DCC: variants seen among roughly 807,000 people sequenced by gnomAD.
DCC encodes the protein DCC netrin 1 receptor.
Under a neutral mutation model 172.5 loss-of-function variants are expected in DCC, and 58 were observed. That is an observed-to-expected ratio of 0.34 (90% confidence interval 0.27 to 0.42). The LOEUF (loss-of-function observed/expected upper bound fraction) is 0.42, where lower values mean the gene tolerates loss of function less well. Ranked by LOEUF, DCC falls within the 10% of genes least tolerant of loss-of-function variation. The pLI, the probability that DCC is intolerant of heterozygous loss-of-function variation, is 1.00. For synonymous variants in DCC, 709 were observed against 644.5 expected, an observed-to-expected ratio of 1.10 and a Z score of -1.52; for missense variants, 1,740 against 1,791.0, an observed-to-expected ratio of 0.97 and a Z score of 0.51.
rs761574014 is a variant in DCC at position 52,427,844 on chromosome 18, C to CTTTCTTTCTTCT, written c.91+86968_91+86969insTCTTTCTTCTTT. Reference sequence around the variant, plus strand: ...CCTTCCTTCCTTCCTTTCTTCCTTCCTTCCTTCCTTCCTTCCTTCCTTCCT... The same window carrying CTTTCTTTCTTCT: ...CCTTCCTTCCTTCCTTTCTTCCTTCCTTTCTTTCTTCTTTCCTTCCTTCCTTCCTTCCTTCCT... On this transcript the variant is annotated intron_variant, in intron 1 of 28. Coordinates refer to ENST00000442544, the MANE Select transcript of DCC (RefSeq NM_005215.4). Among the ~76,000 whole-genome samples, 28 of 96,864 alleles carry CTTTCTTTCTTCT rather than the reference C, an allele frequency of 2.9e-4. 2 individuals carry two copies. The highest frequency in any genetic ancestry group is 9.5e-4 in the African/African-American group (28 of 29,532). The allele number at this position is 96,864 out of a possible 152,430, so 63.5% of individuals were successfully genotyped here.
chr18:52,885,831 G>A (rs115723583), intron 2 of DCC, among the ~76,000 whole-genome samples: 2,616 of 152,122 alleles, frequency 0.017, 56 homozygotes, highest in African/African-American at 0.046. Context: ...TGACATCACT[G>A]TTGGTTATTA....
intron 27 of DCC, among the ~76,000 whole-genome samples, chr18:53,500,411 G>A (rs1221147675): frequency 1.3e-5 from 2 of 152,106 alleles, no homozygotes; most frequent in Non-Finnish European, 1.5e-5. Flanking sequence ...CCTCCTTGAT[G>A]AGCATAGGCA....
intron 24 of DCC, among the ~76,000 whole-genome samples, chr18:53,461,287 T>G (rs2045556248): frequency 1.3e-5 from 2 of 151,552 alleles, no homozygotes; most frequent in South Asian, 2.1e-4. Context: ...TTAGTTTAAT[T>G]AGATCCCATT....
intron 5 of DCC, among the ~76,000 whole-genome samples, chr18:53,050,202 C>T (rs757685022): frequency 2.0e-5 from 3 of 149,928 alleles, no homozygotes; most frequent in African/African-American, 5.1e-5. Flanking sequence ...ATGGTGCCCA[C>T]CCCCATTGTG....
chr18:52,349,723 G>A (rs1208172851), intron 1 of DCC, among the ~76,000 whole-genome samples: 1 of 152,186 alleles, frequency 6.6e-6, no homozygotes, highest in Admixed American at 6.5e-5. Context: ...CTTCTGGGCT[G>A]AAATGTGTTC....
At chr18:52,853,341 A>G (rs1178827291) in intron 2 of DCC, among the ~76,000 whole-genome samples, 1 of 152,220 alleles carries the variant, frequency 6.6e-6, no homozygotes, top group Non-Finnish European at 1.5e-5. Flanking sequence ...TCCTGTCTCA[A>G]AATAGTTGGA....
At chr18:52,772,143 T>C (rs1169105769) in intron 2 of DCC, among the ~76,000 whole-genome samples, 1 of 152,224 alleles carries the variant, frequency 6.6e-6, no homozygotes, top group Non-Finnish European at 1.5e-5. Flanking sequence ...TCAGATTCTC[T>C]TTATTAGAAG....
intron 1 of DCC, among the ~76,000 whole-genome samples, chr18:52,545,251 T>C (rs2032578125): frequency 6.6e-6 from 1 of 152,192 alleles, no homozygotes; most frequent in African/African-American, 2.4e-5. Context: ...GGGGAAGTAC[T>C]GGCCTGGAGG....
At chr18:52,474,840 G>T (rs1238544895) in intron 1 of DCC, among the ~76,000 whole-genome samples, 1 of 152,186 alleles carries the variant, frequency 6.6e-6, no homozygotes, top group Non-Finnish European at 1.5e-5. Flanking sequence ...CTCCTTTATG[G>T]AGGACAGTGA....
intron 1 of DCC, among the ~76,000 whole-genome samples, chr18:52,671,554 G>A (rs1374616540): frequency 1.2e-4 from 4 of 33,460 alleles, no homozygotes; most frequent in African/African-American, 5.0e-4. Context: ...TTTTTTTTTT[G>A]AGATACAGTC....
intron 25 of DCC, among the ~76,000 whole-genome samples, chr18:53,480,349 T>C (rs770782924): frequency 3.5e-4 from 54 of 152,144 alleles, no homozygotes; most frequent in Admixed American, 3.3e-3. Context: ...CACATTAAAA[T>C]TGGGCCAGAT....
At chr18:52,684,059 A>G (rs1336861376) in intron 1 of DCC, among the ~76,000 whole-genome samples, 1 of 152,102 alleles carries the variant, frequency 6.6e-6, no homozygotes, top group Non-Finnish European at 1.5e-5. Flanking sequence ...GTTTATTTCC[A>G]TGACGCTTAA....
intron 1 of DCC, among the ~76,000 whole-genome samples, chr18:52,510,750 G>T (rs997071478): frequency 2.0e-5 from 3 of 151,966 alleles, no homozygotes; most frequent in African/African-American, 7.3e-5. Context: ...AAATATCATC[G>T]GTCTTCCCTG....
intron 1 of DCC, among the ~76,000 whole-genome samples, chr18:52,653,858 T>C (rs1480108446): frequency 6.6e-6 from 1 of 152,138 alleles, no homozygotes; most frequent in Non-Finnish European, 1.5e-5. Flanking sequence ...CAGTGGACCA[T>C]ATGCAGTAGT....
intron 12 of DCC, among the ~76,000 whole-genome samples, chr18:53,289,197 G>A (rs984541951): frequency 2.0e-5 from 3 of 152,050 alleles, no homozygotes; most frequent in Admixed American, 6.5e-5. Context: ...AAAAATAATT[G>A]TTGAAATTCG....
intron 9 of DCC, among the ~76,000 whole-genome samples, chr18:53,198,676 C>T (rs1440863434): frequency 6.6e-6 from 1 of 152,106 alleles, no homozygotes; most frequent in Non-Finnish European, 1.5e-5. Context: ...TAATACATCT[C>T]ATTTACTCCA....
chr18:53,534,703 T>C lies in DCC; in HGVS notation c.*4050T>C, dbSNP rs1276639704. 1 of 152,206 alleles carries C rather than the reference T, an allele frequency of 6.6e-6. No individual in the cohort carries two copies. The highest frequency in any genetic ancestry group is 1.5e-5 in the Non-Finnish European group (1 of 68,032). 9.4% of individuals were successfully genotyped at this position (152,206 alleles called of 1,614,324 possible). ...ATATATGTACCCATGCCTCAATGTA[T>C]CTTGCTATCTAAATACCTGTTGCCA... On this transcript the variant is annotated 3_prime_UTR_variant, in exon 29 of 29. Coordinates refer to ENST00000442544, the MANE Select transcript of DCC (RefSeq NM_005215.4).
intron 5 of DCC, among the ~76,000 whole-genome samples, chr18:53,014,144 A>G (rs2041771613): frequency 6.6e-6 from 1 of 152,134 alleles, no homozygotes; most frequent in African/African-American, 2.4e-5. Flanking sequence ...TATGACCAAA[A>G]CAGTTGGCCC....
intron 9 of DCC, among the ~76,000 whole-genome samples, chr18:53,195,323 T>C (rs956871519): frequency 1.2e-4 from 18 of 152,186 alleles, no homozygotes; most frequent in African/African-American, 4.1e-4. Flanking sequence ...TAAACTGAAT[T>C]TTCTGAGACA....
Sources: allele counts gnomAD v4.1 joint callset (sites outside exome capture counted in the v4.1 genomes callset), GRCh38; gene constraint gnomAD v4.1.1; transcripts MANE v1.5; gene names NCBI Gene and HGNC (gene_info 2026-07-23, HGNC 2026-07-21).